TNRC18: variants seen among roughly 807,000 people sequenced by gnomAD.
TNRC18 encodes the protein trinucleotide repeat-containing gene 18 protein.
TNRC18 carries 69 observed loss-of-function variants against 226.7 expected under a neutral mutation model. That is an observed-to-expected ratio of 0.30 (90% confidence interval 0.25 to 0.37). TNRC18 has a LOEUF of 0.37. Among genes scored for constraint, TNRC18 ranks in the 10% least tolerant of loss-of-function variants. The pLI, the probability that TNRC18 is intolerant of heterozygous loss-of-function variation, is 1.00. For synonymous variants in TNRC18, 2,449 were observed against 1,927.6 expected (o/e 1.27, Z -7.09); for missense variants, 4,754 against 4,256.6 (o/e 1.12, Z -3.25).
chr7:5,420,577 C>T (rs773103120), intron 2 of TNRC18: 1 of 450,722 alleles, frequency 2.2e-6, no homozygotes, highest in Non-Finnish European at 4.5e-6. Context: ...CCCCGGCGCT[C>T]GGTAACTGCC....
chr7:5,399,533 C>T (rs1462265807), intron 2 of TNRC18, among the ~76,000 whole-genome samples: 1 of 151,110 alleles, frequency 6.6e-6, no homozygotes, highest in Admixed American at 6.6e-5. Context: ...ATGGTAAAAC[C>T]CCATCTCTAC....
chr7:5,374,601 T>C (rs1253454041), intron 9 of TNRC18, 117 bp from the exon 10 acceptor site: 9 of 1,107,248 alleles, frequency 8.1e-6, no homozygotes, highest in Non-Finnish European at 9.9e-6. Context: ...ATGCAGGGCC[T>C]GGGGTCCAGG....
intron 19 of TNRC18, chr7:5,330,005 G>T: frequency 2.1e-6 from 1 of 470,978 alleles, no homozygotes. Context: ...ACAAATGGAG[G>T]CTCAGACACC....
At position 5,308,381 on chromosome 7, in the gene TNRC18, A is replaced by C. The variant is rs192047644; in HGVS notation, c.8701-69T>G. The C allele has an allele frequency of 7.7e-4, 1,120 of 1,450,402 alleles. 13 individuals carry two copies. In the African/African-American group the frequency reaches 0.014, roughly 18 times the overall value. 89.8% of individuals were successfully genotyped at this position (1,450,402 alleles called of 1,614,324 possible). On this transcript the variant is annotated intron_variant, in intron 29 of 29. Transcript: ENST00000430969. Reference sequence around the variant, plus strand: ...GAGGCCGAGGGAGCCCCAGGGAGCCACAGGGACAGAGACAGAAGCAGAGGG... The same window carrying C: ...GAGGCCGAGGGAGCCCCAGGGAGCCCCAGGGACAGAGACAGAAGCAGAGGG...
At chr7:5,350,771 C>A (rs1791712499) in intron 17 of TNRC18, among the ~76,000 whole-genome samples, 2 of 152,200 alleles carry the variant, frequency 1.3e-5, no homozygotes, top group South Asian at 4.1e-4. Flanking sequence ...CCTGGCAGCT[C>A]TCTCTTGAGA....
intron 11 of TNRC18, among the ~76,000 whole-genome samples, chr7:5,366,065 A>C (rs927667287): frequency 1.3e-5 from 2 of 152,130 alleles, no homozygotes; most frequent in Admixed American, 6.6e-5. Context: ...CCAGAGACAG[A>C]CATGACTAAT....
At chr7:5,359,357 C>T (rs761921675) in intron 15 of TNRC18, 41 bp downstream of exon 15, 1 of 1,610,036 alleles carries the variant, frequency 6.2e-7, no homozygotes, top group Non-Finnish European at 8.5e-7. Flanking sequence ...CCAGACACCT[C>T]CCTGAAAGAT....
intron 18 of TNRC18, among the ~76,000 whole-genome samples, chr7:5,344,297 T>C (rs1488535785): frequency 6.6e-6 from 1 of 151,894 alleles, no homozygotes; most frequent in Non-Finnish European, 1.5e-5. Context: ...GGGAAGCCAT[T>C]TGGAGGTTCT....
intron 26 of TNRC18, 78 bp downstream of exon 26, chr7:5,314,906 G>A (rs1399688887): frequency 1.2e-5 from 17 of 1,447,468 alleles, no homozygotes; most frequent in Non-Finnish European, 1.6e-5. Context: ...AGGCACTTCG[G>A]CAGGTTCCCA....
At chr7:5,410,391 T>G (rs1362354308) in intron 2 of TNRC18, among the ~76,000 whole-genome samples, 1 of 150,304 alleles carries the variant, frequency 6.7e-6, no homozygotes, top group East Asian at 1.9e-4. Flanking sequence ...ATAGGAATAC[T>G]AGAGAGAATA....
intron 13 of TNRC18, 40 bp downstream of exon 13, chr7:5,361,857 G>A (rs771454020): frequency 3.0e-5 from 45 of 1,514,330 alleles, no homozygotes; most frequent in Middle Eastern, 4.6e-4. Flanking sequence ...CTGGTGGGCC[G>A]GGGCAGGGGC....
Position 5,324,158 on chromosome 7 carries a change from C to T in TNRC18, c.6442+56G>A. 6.5e-7 allele frequency: 1 copy of T among 1,534,002 alleles called. No individual in the cohort carries two copies. The highest frequency in any genetic ancestry group is 8.7e-7 in the Non-Finnish European group (1 of 1,143,760). Reference sequence around the variant, plus strand: ...CTCAAGCCTTGCTCAGATCTGCCTCCCCCAAGGGAGGCTCCAGCAGCCCCG... The same window carrying T: ...CTCAAGCCTTGCTCAGATCTGCCTCTCCCAAGGGAGGCTCCAGCAGCCCCG... On this transcript the variant is annotated intron_variant, in intron 21 of 29. Transcript: ENST00000430969. This position sits in a 1 kb window ranked among gnomAD's most constrained non-coding sequence, Gnocchi z 4.8.
At chr7:5,314,414 C>T (rs1787631791) in intron 26 of TNRC18, among the ~76,000 whole-genome samples, 3 of 152,094 alleles carry the variant, frequency 2.0e-5, no homozygotes, top group Admixed American at 6.6e-5. Context: ...TCAGCCTGCA[C>T]GAAGTATTTT....
rs1488728366 is a variant in TNRC18, at chr7:5,307,153, G to A, written c.*953C>T. Reference sequence around the variant, plus strand: ...GGACTGGGAGGCCGGTGAAGCCGGTGCTAGACACTATAATCTAACAGGAAA... The same window carrying A: ...GGACTGGGAGGCCGGTGAAGCCGGTACTAGACACTATAATCTAACAGGAAA... On this transcript the variant is annotated 3_prime_UTR_variant, in exon 30 of 30. Coordinates refer to ENST00000430969, the MANE Select transcript of TNRC18 (RefSeq NM_001080495.3). 2.0e-5 allele frequency: 3 copies of A among 151,522 alleles called. No individual in the cohort carries two copies. The highest frequency in any genetic ancestry group is 7.3e-5 in the African/African-American group (3 of 41,286). 9.4% of individuals were successfully genotyped at this position (151,522 alleles called of 1,614,324 possible).
At position 5,361,716 on chromosome 7, in the gene TNRC18, C is replaced by T. The variant is rs1291636269; in HGVS notation, c.4539G>A (p.Arg1513=). The T allele has an allele frequency of 1.3e-6, 2 of 1,565,318 alleles. No individual in the cohort carries two copies. Among genetic ancestry groups the T allele is most frequent in the South Asian group, 2.3e-5 (2 of 85,220 alleles). The change falls in exon 14 of 30, where the codon AGG becomes AGA. Residue 1513 remains arginine (R), a synonymous_variant. Coordinates refer to ENST00000430969, the MANE Select transcript of TNRC18 (RefSeq NM_001080495.3). ...CCAAGCTTCTATGGGGTTCCTCGCGCCTGTCCCTTAAAAAGAATCACACGC... is the reference window on the plus strand; with the variant it reads ...CCAAGCTTCTATGGGGTTCCTCGCGTCTGTCCCTTAAAAAGAATCACACGC... ...KLQRRRDSED[R]REEPHRSLAR... is the part of the protein sequence containing the mutation.
rs1430338577 is a variant in TNRC18, at chr7:5,325,167, G to A, written c.6229C>T (p.Pro2077Ser). Residue 2077 changes from proline to serine, a missense_variant, in exon 20 of 30, where the codon CCT (proline) becomes TCT (serine). Coordinates refer to ENST00000430969, the MANE Select transcript of TNRC18 (RefSeq NM_001080495.3). The part of the protein sequence containing the change: ...APALPSEARA[P>S]HASSLTAAKR... Reference sequence around the variant, plus strand: ...GCAGCGGTCAGGGAGCTGGCGTGAGGAGCCCTGGCCTCAGAGGGCAAGGCA... The same window carrying A: ...GCAGCGGTCAGGGAGCTGGCGTGAGAAGCCCTGGCCTCAGAGGGCAAGGCA... The A allele has an allele frequency of 7.1e-6, 11 of 1,552,998 alleles. No homozygotes were observed. The highest frequency in any genetic ancestry group is 1.9e-4 in the Middle Eastern group (1 of 5,290).
At chr7:5,358,641 C>T (rs1792706824) in intron 15 of TNRC18, among the ~76,000 whole-genome samples, 1 of 152,116 alleles carries the variant, frequency 6.6e-6, no homozygotes, top group African/African-American at 2.4e-5. Flanking sequence ...TGGTGAAACC[C>T]CATCTCTACT....
At chr7:5,387,573 CTT>C in intron 5 of TNRC18, 97 bp downstream of exon 5, 1 of 1,491,328 alleles carries the variant, frequency 6.7e-7, no homozygotes, top group South Asian at 1.2e-5. Flanking sequence ...CTTATAAAGA[CTT>C]AGCAATAGCA....
intron 18 of TNRC18, among the ~76,000 whole-genome samples, chr7:5,336,770 G>C (rs560691299): frequency 6.6e-6 from 1 of 152,194 alleles, no homozygotes; most frequent in Non-Finnish European, 1.5e-5. Context: ...ATAAAACTGA[G>C]AAGTACAATT....
Sources: gnomAD v4.1 joint callset for allele counts (sites outside exome capture counted in the v4.1 genomes callset) on GRCh38, gnomAD v4.1.1 for gene constraint, Gnocchi (gnomAD v3.1) non-coding constraint, MANE v1.5 for transcripts, NCBI Gene and HGNC (gene_info 2026-07-23, HGNC 2026-07-21) for gene names.